The following DENND2A variants were observed in gnomAD, a reference collection of about 807,000 sequenced individuals.
DENND2A encodes DENN domain containing 2A.
A neutral mutation model predicts 105.3 loss-of-function variants in DENND2A; 53 were observed. The ratio of observed to expected loss-of-function variants is 0.50; its 90% CI spans 0.40 to 0.63. The LOEUF (loss-of-function observed/expected upper bound fraction) is 0.63, where lower values mean the gene tolerates loss of function less well. Ranked by LOEUF, DENND2A falls within the 30% of genes least tolerant of loss-of-function variation. The probability of loss-of-function intolerance (pLI) is 0.00; values close to 1 mark genes in which losing one functional copy is unlikely to be tolerated. For synonymous variants in DENND2A, 522 were observed against 508.4 expected (o/e 1.03, Z -0.36); for missense variants, 1,138 against 1,279.6 (o/e 0.89, Z 1.69).
intron 12 of DENND2A, among the ~76,000 whole-genome samples, chr7:140,548,643 C>T (rs1240856347): frequency 6.0e-5 from 9 of 151,012 alleles, no homozygotes; most frequent in Admixed American, 4.6e-4. Flanking sequence ...GACAGAGTTT[C>T]GCTCTTGTTG....
chr7:140,577,398 T>C (rs1189602864), intron 5 of DENND2A, among the ~76,000 whole-genome samples: 2 of 151,364 alleles, frequency 1.3e-5, no homozygotes, highest in South Asian at 2.1e-4. Flanking sequence ...GAAAACTTTT[T>C]CTTTTTTTTT....
rs544083416 is a variant in DENND2A, at chr7:140,533,681, G to A, written c.2328-6186C>T. On this transcript the variant is annotated intron_variant, in intron 14 of 19. Coordinates refer to ENST00000496613, the MANE Select transcript of DENND2A (RefSeq NM_015689.5). ...TTGATGCGAGAAATGATGACGACTCGGCTGGGGAACCAGCTGGCCGCGTGG... is the reference window on the plus strand; with the variant it reads ...TTGATGCGAGAAATGATGACGACTCAGCTGGGGAACCAGCTGGCCGCGTGG... 4.4e-4 allele frequency among the ~76,000 whole-genome samples: 67 copies of A among 152,324 alleles called. 1 individual carries two copies. The East Asian group carries it at 9.6e-3, about 22-fold the overall frequency.
chr7:140,573,676 G>T, intron 6 of DENND2A, 132 bp downstream of exon 6: 1 of 1,050,858 alleles, frequency 9.5e-7, no homozygotes, highest in South Asian at 1.6e-5. Context: ...GCTTCACTGT[G>T]TCCCCCTGGC....
chr7:140,624,924 G>A (rs530999649), intron 1 of DENND2A, among the ~76,000 whole-genome samples: 3 of 148,198 alleles, frequency 2.0e-5, no homozygotes, highest in Admixed American at 6.7e-5. Context: ...AGGCTGGAGC[G>A]CAGTGATGTG....
chr7:140,521,755 G>A, intron 18 of DENND2A, 100 bp downstream of exon 18: 3 of 1,551,558 alleles, frequency 1.9e-6, no homozygotes, highest in Non-Finnish European at 2.6e-6. Flanking sequence ...ACACAGTCCT[G>A]TCTGTGCCCC....
intron 1 of DENND2A, among the ~76,000 whole-genome samples, chr7:140,625,265 T>A (rs1800476939): frequency 6.6e-6 from 1 of 150,834 alleles, no homozygotes; most frequent in Non-Finnish European, 1.5e-5. Flanking sequence ...TAATCCAAGC[T>A]ACTCAGGAGG....
At chr7:140,585,808 T>G in intron 4 of DENND2A, 98 bp from the exon 5 acceptor site, 1 of 1,549,944 alleles carries the variant, frequency 6.5e-7, no homozygotes, top group Non-Finnish European at 8.8e-7. Context: ...CTGTGTCCAT[T>G]CTTGTAGGCA....
At chr7:140,541,767 C>G (rs965809437) in intron 14 of DENND2A, among the ~76,000 whole-genome samples, 1 of 152,124 alleles carries the variant, frequency 6.6e-6, no homozygotes. Flanking sequence ...AAAAGTGCAC[C>G]GGGAGTACGA....
intron 1 of DENND2A, among the ~76,000 whole-genome samples, chr7:140,628,596 G>A (rs1800620279): frequency 1.4e-5 from 2 of 140,680 alleles, no homozygotes; most frequent in African/African-American, 5.4e-5. Context: ...CTGGAGTGCA[G>A]TGGCGCGATC....
Position 140,567,188 on chromosome 7 carries a change from G to A in DENND2A, c.1677C>T (p.Tyr559=), listed in dbSNP as rs1161727121. 4 of 1,613,844 alleles carry A rather than the reference G, an allele frequency of 2.5e-6. No individual in the cohort carries two copies. In the East Asian group the frequency reaches 6.7e-5, roughly 27 times the overall value. ...AGTACTCGAAGAGCTGCCTCTCCTG[G>A]TACTCGATGAGTTCCCGGGCAAGTG... ...YPSLARELIE[Y]QERQLFEYFV... The change falls in exon 9 of 20, where the codon TAC becomes TAT. Residue 559 remains tyrosine (Y), a synonymous_variant. Coordinates refer to ENST00000496613, the MANE Select transcript of DENND2A (RefSeq NM_015689.5).
intron 18 of DENND2A, among the ~76,000 whole-genome samples, chr7:140,521,326 T>A (rs1051576148): frequency 6.6e-6 from 1 of 151,762 alleles, no homozygotes; most frequent in Non-Finnish European, 1.5e-5. Context: ...CAGGCTGGAG[T>A]GCAGTGACAT....
intron 1 of DENND2A, among the ~76,000 whole-genome samples, chr7:140,629,532 G>A (rs947302580): frequency 6.6e-6 from 1 of 152,278 alleles, no homozygotes; most frequent in Non-Finnish European, 1.5e-5. Flanking sequence ...CTAGATGTTG[G>A]GATGTTCTGA....
rs760072663 is a variant in DENND2A at position 140,602,149 on chromosome 7, C to T, written c.249G>A (p.Arg83=). 6.8e-6 allele frequency: 11 copies of T among 1,614,216 alleles called. No individual in the cohort carries two copies. In the South Asian group the frequency reaches 1.1e-4, roughly 16 times the overall value. The change falls in exon 3 of 20, where the codon AGG becomes AGA. Residue 83 remains arginine, a synonymous_variant. Transcript: ENST00000496613. ...DYLPSSTVER[R]SSDGVRTQVT... ...CCTGAGTTCTCACCCCATCACTACTCCTCCTCTCCACCGTAGAGGACGGCA... is the reference window on the plus strand; with the variant it reads ...CCTGAGTTCTCACCCCATCACTACTTCTCCTCTCCACCGTAGAGGACGGCA...
Position 140,602,419 on chromosome 7 carries a change from G to A in DENND2A, c.-22C>T, listed in dbSNP as rs1354838590. The A allele has an allele frequency of 6.5e-7, 1 of 1,527,940 alleles. No homozygotes were observed. Among genetic ancestry groups the A allele is most frequent in the South Asian group, 1.3e-5 (1 of 79,444 alleles). 94.6% of individuals were successfully genotyped at this position (1,527,940 alleles called of 1,614,324 possible). A position where few individuals can be genotyped will look rare whatever the true frequency, so the allele number is the denominator to read the frequency against. On this transcript the variant is annotated 5_prime_UTR_variant, in exon 3 of 20. Coordinates refer to ENST00000496613, the MANE Select transcript of DENND2A (RefSeq NM_015689.5). Reference sequence around the variant, plus strand: ...CCATTCTTGACTCTAGCGTGAGGTTGTGGAGGCCTTCCAGGGGACTCCTTC... The same window carrying A: ...CCATTCTTGACTCTAGCGTGAGGTTATGGAGGCCTTCCAGGGGACTCCTTC...
At chr7:140,567,395 C>T in intron 8 of DENND2A, 122 bp from the exon 9 acceptor site, 10 of 851,072 alleles carry the variant, frequency 1.2e-5, no homozygotes, top group South Asian at 2.1e-5. Flanking sequence ...TGGAATTGTG[C>T]CGAGCTGCAA....
intron 3 of DENND2A, among the ~76,000 whole-genome samples, chr7:140,597,967 A>C (rs753635599): frequency 1.3e-5 from 2 of 152,230 alleles, no homozygotes; most frequent in Non-Finnish European, 2.9e-5. Flanking sequence ...AGTAACACTG[A>C]AACTCAAACC....
chr7:140,551,382 G>A lies in DENND2A; in HGVS notation c.2037+4254C>T, dbSNP rs562897938. ...ACACTGGGCAGAACGAGGCAGAAGCGTTGCCATGCGGGTTCTCTGGCCAGG... is the reference window on the plus strand; with the variant it reads ...ACACTGGGCAGAACGAGGCAGAAGCATTGCCATGCGGGTTCTCTGGCCAGG... On this transcript the variant is annotated intron_variant, in intron 12 of 19. Coordinates refer to ENST00000496613, the MANE Select transcript of DENND2A (RefSeq NM_015689.5). Among the ~76,000 whole-genome samples, 617 of 151,910 alleles carry A rather than the reference G, an allele frequency of 4.1e-3. 5 individuals carry two copies. The highest frequency in any genetic ancestry group is 0.014 in the African/African-American group (593 of 41,440).
chr7:140,523,729 C>T lies in DENND2A; in HGVS notation c.2548-305G>A, dbSNP rs995913855. On this transcript the variant is annotated intron_variant, in intron 16 of 19. Coordinates refer to ENST00000496613, the MANE Select transcript of DENND2A (RefSeq NM_015689.5). The surrounding 1 kb of genome is among the most constrained non-coding windows in gnomAD (Gnocchi z 4.5). Reference sequence around the variant, plus strand: ...AGCTGGAACTACAGGCGCGTGCCACCGCTCCTGGCTAATGTTTTGTATTTT... The same window carrying T: ...AGCTGGAACTACAGGCGCGTGCCACTGCTCCTGGCTAATGTTTTGTATTTT... Among the ~76,000 whole-genome samples the T allele has an allele frequency of 3.9e-5, 6 of 152,178 alleles. No homozygotes were observed. In the East Asian group the frequency reaches 7.7e-4, roughly 20 times the overall value.
In DENND2A at chr7:140,602,376, T is replaced by A. The variant is rs757501399; in HGVS notation, c.22A>T (p.Met8Leu). ...TCTGCAGCTGGGTCACTGATGATCA[T>A]ATCCAAGCTGAACATATCCATTCTT... MDMFSLD[M>L]IISDPAAEAS... The change falls in exon 3 of 20, where the codon ATG (methionine) becomes TTG (leucine). Residue 8 changes from methionine to leucine, a missense_variant. Physicochemically the swap from Met to Leu is conservative, Grantham distance 15 (BLOSUM62 2). Transcript: ENST00000496613. 10 of 1,583,336 alleles carry A rather than the reference T, an allele frequency of 6.3e-6. No individual in the cohort carries two copies. Among genetic ancestry groups the A allele is most frequent in the Non-Finnish European group, 8.6e-6 (10 of 1,168,494 alleles).
Sources: gnomAD v4.1 joint callset for allele counts (sites outside exome capture counted in the v4.1 genomes callset) on GRCh38, gnomAD v4.1.1 for gene constraint, Gnocchi (gnomAD v3.1) non-coding constraint, MANE v1.5 for transcripts, NCBI Gene and HGNC (gene_info 2026-07-23, HGNC 2026-07-21) for gene names.